LRBA: variants seen among roughly 807,000 people sequenced by gnomAD.
The protein encoded by LRBA is LPS responsive beige-like anchor protein, also known as lipopolysaccharide-responsive and beige-like anchor protein.
LRBA carries 176 observed loss-of-function variants against 330.0 expected under a neutral mutation model. That is an observed-to-expected ratio of 0.53 (90% CI 0.47 to 0.60). LRBA has a LOEUF of 0.60. LRBA is among the 20% of genes least tolerant of loss of function. The probability of loss-of-function intolerance (pLI) is 0.00; values close to 1 mark genes in which losing one functional copy is unlikely to be tolerated. For synonymous variants in LRBA, 1,230 were observed against 1,193.0 expected (o/e 1.03, Z -0.64); for missense variants, 3,259 against 3,444.8 (o/e 0.95, Z 1.35).
Position 150,872,693 on chromosome 4 carries a change from A to G in LRBA, c.2228T>C (p.Met743Thr). The G allele has an allele frequency of 6.2e-7, 1 of 1,610,268 alleles. No individual in the cohort carries two copies. Among genetic ancestry groups the G allele is most frequent in the Non-Finnish European group, 8.5e-7 (1 of 1,177,804 alleles). Reference protein sequence around the residue: ...EGIRVQALKAMGYFLKHLAPK... With the variant: ...EGIRVQALKATGYFLKHLAPK... ...GGCCAGATGTTTTAAAAAATAACCC[A>G]TTGCCTTAAGAGCTTGTACCCTGAT... The change falls in exon 18 of 57, where the codon ATG (methionine) becomes ACG (threonine). Residue 743 changes from methionine to threonine, a missense_variant. Transcript: ENST00000651943.
intron 34 of LRBA, among the ~76,000 whole-genome samples, chr4:150,786,876 C>T (rs949172776): frequency 2.0e-5 from 3 of 152,158 alleles, no homozygotes; most frequent in Non-Finnish European, 4.4e-5. Flanking sequence ...CAAGAAGAAC[C>T]TATTGGGCAA....
intron 54 of LRBA, among the ~76,000 whole-genome samples, chr4:150,283,329 G>A (rs1253604704): frequency 6.6e-6 from 1 of 152,204 alleles, no homozygotes; most frequent in African/African-American, 2.4e-5. Flanking sequence ...CCAGGCCAAG[G>A]TGCCAGAGAA....
At chr4:150,451,604 A>T (rs1753354192) in intron 44 of LRBA, among the ~76,000 whole-genome samples, 1 of 152,198 alleles carries the variant, frequency 6.6e-6, no homozygotes, top group Non-Finnish European at 1.5e-5. Flanking sequence ...AAAAAGAAAA[A>T]AGTTCTTAAA....
intron 47 of LRBA, among the ~76,000 whole-genome samples, chr4:150,375,527 G>C (rs188822227): frequency 2.2e-4 from 34 of 151,796 alleles, no homozygotes; most frequent in African/African-American, 7.5e-4. Flanking sequence ...GCATGATGTC[G>C]GCTCACTGCA....
At chr4:150,350,990 C>A (rs1055095728) in intron 47 of LRBA, among the ~76,000 whole-genome samples, 46 of 152,168 alleles carry the variant, frequency 3.0e-4, no homozygotes, top group African/African-American at 1.1e-3. Flanking sequence ...GTGGGGGATA[C>A]CTATAATTAC....
In LRBA at chr4:150,265,286, G is replaced by A. The variant is rs17026780; in HGVS notation, c.*436C>T. On this transcript the variant is annotated 3_prime_UTR_variant, in exon 57 of 57. Transcript: ENST00000651943. ...GAAATATTAGTGCTGAAGAAGCACAGTTGTTTGGAAAAATACAGGACCCAA... is the reference window on the plus strand; with the variant it reads ...GAAATATTAGTGCTGAAGAAGCACAATTGTTTGGAAAAATACAGGACCCAA... The A allele has an allele frequency of 1.2e-3, 184 of 158,778 alleles. 1 individual carries two copies. The highest frequency in any genetic ancestry group is 3.3e-3 in the Middle Eastern group (1 of 302). 9.8% of individuals were successfully genotyped at this position (158,778 alleles called of 1,614,324 possible). A position where few individuals can be genotyped will look rare whatever the true frequency, so the allele number is the denominator to read the frequency against.
intron 40 of LRBA, among the ~76,000 whole-genome samples, chr4:150,510,629 T>C (rs558438005): frequency 2.0e-5 from 3 of 152,338 alleles, no homozygotes; most frequent in African/African-American, 7.2e-5. Flanking sequence ...CCAACTTGAC[T>C]TCCTTTGGAT....
intron 2 of LRBA, among the ~76,000 whole-genome samples, chr4:150,955,921 T>C (rs574239424): frequency 2.7e-5 from 4 of 148,562 alleles, no homozygotes; most frequent in African/African-American, 1.0e-4. Flanking sequence ...TAGCCTTCCA[T>C]CTTAAACCCT....
intron 36 of LRBA, among the ~76,000 whole-genome samples, chr4:150,727,126 G>A (rs1729809738): frequency 7.9e-6 from 1 of 126,292 alleles, no homozygotes; most frequent in Non-Finnish European, 1.6e-5. Flanking sequence ...AGGCTGGAGT[G>A]CAGTGGCATG....
chr4:150,798,683 T>C (rs545614327), intron 33 of LRBA, among the ~76,000 whole-genome samples: 7 of 152,336 alleles, frequency 4.6e-5, no homozygotes, highest in African/African-American at 1.4e-4. Context: ...CTTGATTTCT[T>C]ATAAATTAAT....
chr4:150,368,129 C>T (rs1448638568), intron 47 of LRBA, among the ~76,000 whole-genome samples: 1 of 152,078 alleles, frequency 6.6e-6, no homozygotes, highest in Non-Finnish European at 1.5e-5. Flanking sequence ...CTCAAGGTGC[C>T]GGTTCCAGAT....
At position 150,269,460 on chromosome 4, in the gene LRBA, T is replaced by C. The variant is rs143023768; in HGVS notation, c.8469-3648A>G. 3.9e-5 allele frequency among the ~76,000 whole-genome samples: 6 copies of C among 152,328 alleles called. No homozygotes were observed. The East Asian group carries it at 1.2e-3, about 29-fold the overall frequency. On this transcript the variant is annotated intron_variant, in intron 56 of 56. Coordinates refer to ENST00000651943, the MANE Select transcript of LRBA (RefSeq NM_001364905.1). ...AAAACAATGAAGGTGGACTCTTACC[T>C]ACCATTATATTAAAAAACTAAAAAC...
intron 40 of LRBA, among the ~76,000 whole-genome samples, chr4:150,537,540 C>G (rs1764794074): frequency 6.6e-6 from 1 of 152,158 alleles, no homozygotes; most frequent in African/African-American, 2.4e-5. Flanking sequence ...ACCAAGTAAA[C>G]AGACAACCCA....
chr4:150,761,659 C>A, intron 35 of LRBA, 124 bp downstream of exon 35: 1 of 558,346 alleles, frequency 1.8e-6, no homozygotes, highest in South Asian at 2.6e-5. Context: ...ATTGATATAT[C>A]AGAGCTCCAT....
At chr4:150,316,176 T>C (rs1731699583) in intron 50 of LRBA, among the ~76,000 whole-genome samples, 1 of 152,170 alleles carries the variant, frequency 6.6e-6, no homozygotes, top group Admixed American at 6.5e-5. Flanking sequence ...TTAAATGCAT[T>C]TGGCTGAAAT....
chr4:150,988,388 A>C (rs906042857), intron 2 of LRBA, among the ~76,000 whole-genome samples: 6 of 152,230 alleles, frequency 3.9e-5, no homozygotes, highest in Non-Finnish European at 1.5e-5. Flanking sequence ...AACCTTAATT[A>C]AAGTATAATA....
chr4:150,665,878 G>A (rs769868279), intron 37 of LRBA, among the ~76,000 whole-genome samples: 7 of 152,154 alleles, frequency 4.6e-5, no homozygotes, highest in Non-Finnish European at 7.3e-5. Flanking sequence ...CAAAACCTAC[G>A]ATCATTCTTC....
At chr4:150,761,962 G>A in intron 34 of LRBA, 115 bp from the exon 35 acceptor site, 1 of 643,604 alleles carries the variant, frequency 1.6e-6, no homozygotes. Context: ...ACTCTTAAAA[G>A]TTATGTTAAA....
chr4:150,382,284 T>C (rs1426167398), intron 47 of LRBA, among the ~76,000 whole-genome samples: 2 of 152,176 alleles, frequency 1.3e-5, no homozygotes, highest in African/African-American at 4.8e-5. Flanking sequence ...CTTGCAGTCT[T>C]GTTTTGTGTC....
Sources: allele counts gnomAD v4.1 joint callset (sites outside exome capture counted in the v4.1 genomes callset), GRCh38; gene constraint gnomAD v4.1.1; transcripts MANE v1.5; gene names NCBI Gene and HGNC (gene_info 2026-07-23, HGNC 2026-07-21).